Variants in ERC2 observed in about 807,000 individuals in gnomAD.
ERC2 encodes the protein ERC protein 2.
Under a neutral mutation model 114.8 loss-of-function variants are expected in ERC2, and 42 were observed. The ratio of observed to expected loss-of-function variants is 0.37; its 90% confidence interval spans 0.29 to 0.47. ERC2 has a LOEUF of 0.47. ERC2 is among the 20% of genes least tolerant of loss of function. The pLI is 0.99. For missense variants in ERC2, 939 were observed against 1,150.7 expected (o/e 0.82, Z 2.66); for synonymous variants, 454 against 425.5 (o/e 1.07, Z -0.82).
At chr3:56,343,167 T>TTCTCTC (rs1160068173) in intron 2 of ERC2, among the ~76,000 whole-genome samples, 1 of 135,260 alleles carries the variant, frequency 7.4e-6, no homozygotes, top group African/African-American at 2.8e-5. Flanking sequence ...CTCTCTCTCT[T>TTCTCTC]TCTCTCTCTC....
chr3:55,540,030 T>C (rs377568035), intron 17 of ERC2, among the ~76,000 whole-genome samples: 26 of 151,378 alleles, frequency 1.7e-4, no homozygotes, highest in African/African-American at 6.3e-4. Context: ...TAAACAAAGA[T>C]ACTGAGGCCT....
chr3:56,239,430 C>T (rs1171380506), intron 3 of ERC2, among the ~76,000 whole-genome samples: 2 of 152,012 alleles, frequency 1.3e-5, no homozygotes, highest in Non-Finnish European at 2.9e-5. Flanking sequence ...TGCTTGAACC[C>T]AGGTGGCAGA....
chr3:56,142,857 A>C (rs1477008987), intron 5 of ERC2, among the ~76,000 whole-genome samples: 1 of 139,734 alleles, frequency 7.2e-6, no homozygotes, highest in African/African-American at 2.7e-5. Flanking sequence ...TTGGAACTTT[A>C]TCTGAAAAAA....
intron 2 of ERC2, among the ~76,000 whole-genome samples, chr3:56,348,890 A>T (rs1560642075): frequency 1.9e-5 from 1 of 53,226 alleles, no homozygotes; most frequent in African/African-American, 6.4e-5. Context: ...GAAGGAAGGA[A>T]GGAAGGAAGG....
intron 14 of ERC2, among the ~76,000 whole-genome samples, chr3:55,842,853 G>T (rs1038332650): frequency 6.6e-6 from 1 of 152,096 alleles, no homozygotes; most frequent in Non-Finnish European, 1.5e-5. Context: ...GATCAAAAGT[G>T]AGTTGAGGAG....
intron 3 of ERC2, among the ~76,000 whole-genome samples, chr3:56,294,317 G>A (rs190542316): frequency 1.3e-5 from 2 of 152,324 alleles, no homozygotes; most frequent in African/African-American, 4.8e-5. Context: ...AGGAATCAAG[G>A]CACAACTTAA....
chr3:56,234,344 A>ACATTTTACTGTAG (rs1243926957), intron 3 of ERC2, among the ~76,000 whole-genome samples: 1 of 152,240 alleles, frequency 6.6e-6, no homozygotes, highest in African/African-American at 2.4e-5. Flanking sequence ...ACATACAACT[A>ACATTTTACTGTAG]AAGAGGATGG....
At chr3:55,959,420 T>C (rs746898935) in intron 12 of ERC2, among the ~76,000 whole-genome samples, 3 of 152,118 alleles carry the variant, frequency 2.0e-5, no homozygotes, top group Non-Finnish European at 2.9e-5. Flanking sequence ...ACCCCAAGGA[T>C]GGAGAGCAGA....
chr3:55,828,224 G>A (rs1446786776), intron 14 of ERC2, among the ~76,000 whole-genome samples: 2 of 152,218 alleles, frequency 1.3e-5, no homozygotes, highest in Non-Finnish European at 2.9e-5. Flanking sequence ...CCACAGACCA[G>A]CTCTCTTACT....
At chr3:56,031,866 T>G (rs1448369470) in intron 7 of ERC2, among the ~76,000 whole-genome samples, 1 of 152,224 alleles carries the variant, frequency 6.6e-6, no homozygotes. Flanking sequence ...ATTTTTGGTA[T>G]AGTCTGATTT....
chr3:55,915,495 G>C (rs965813810), intron 13 of ERC2, among the ~76,000 whole-genome samples: 1 of 151,984 alleles, frequency 6.6e-6, no homozygotes. Flanking sequence ...AATATTTTAG[G>C]CCTCTTGATA....
At chr3:55,615,593 A>G (rs2059090158) in intron 17 of ERC2, among the ~76,000 whole-genome samples, 1 of 152,204 alleles carries the variant, frequency 6.6e-6, no homozygotes, top group African/African-American at 2.4e-5. Context: ...GCATCCGCGA[A>G]ATAAAGTAAG....
chr3:56,334,379 A>G (rs2057761761), intron 2 of ERC2, among the ~76,000 whole-genome samples: 1 of 152,212 alleles, frequency 6.6e-6, no homozygotes, highest in Admixed American at 6.5e-5. Flanking sequence ...TGAACCCTTG[A>G]GCCCTCAGTT....
At chr3:56,107,069 A>G (rs1381416445) in intron 6 of ERC2, among the ~76,000 whole-genome samples, 1 of 152,092 alleles carries the variant, frequency 6.6e-6, no homozygotes, top group Non-Finnish European at 1.5e-5. Flanking sequence ...GATATGAACG[A>G]GGATATGATA....
At chr3:55,620,378 C>T (rs2059276907) in intron 17 of ERC2, among the ~76,000 whole-genome samples, 1 of 152,148 alleles carries the variant, frequency 6.6e-6, no homozygotes, top group Non-Finnish European at 1.5e-5. Context: ...TGTATAAACT[C>T]AACTTTTAAA....
chr3:56,467,058 T>C (rs1340031991), intron 1 of ERC2: 8 of 152,100 alleles, frequency 5.3e-5, no homozygotes, highest in African/African-American at 1.2e-4. Flanking sequence ...GAAACACAGG[T>C]CAAATATACT....
intron 14 of ERC2, among the ~76,000 whole-genome samples, chr3:55,783,698 T>A (rs919982909): frequency 6.6e-6 from 1 of 150,982 alleles, no homozygotes; most frequent in Non-Finnish European, 1.5e-5. Context: ...TGCCCATCCT[T>A]GAGAATATAG....
intron 3 of ERC2, among the ~76,000 whole-genome samples, chr3:56,281,620 TAGATATAGATAC>T (rs2054354770): frequency 6.6e-6 from 1 of 152,022 alleles, no homozygotes; most frequent in African/African-American, 2.4e-5. Context: ...GAAGACAGAT[TAGATATAGATAC>T]AGATATAGAT....
Position 55,683,842 on chromosome 3 carries a change from T to G in ERC2, c.2865A>C (p.Ile955=), listed in dbSNP as rs1201646066. 6.2e-7 allele frequency: 1 copy of G among 1,612,796 alleles called. No individual in the cohort carries two copies. Among genetic ancestry groups the G allele is most frequent in the Non-Finnish European group, 8.5e-7 (1 of 1,179,478 alleles). ...PSPDQDDEEG[I]WA ...TGGTTTACAGGCCCGGCTATGCCCA[T>G]ATGCCCTCCTCGTCATCCTGCGGCC... The change falls in exon 17 of 18, where the codon ATA becomes ATC. Residue 955 remains isoleucine, a synonymous_variant. Transcript: ENST00000288221.
Sources: allele counts gnomAD v4.1 joint callset (sites outside exome capture counted in the v4.1 genomes callset), GRCh38; gene constraint gnomAD v4.1.1; transcripts MANE v1.5; gene names NCBI Gene and HGNC (gene_info 2026-07-23, HGNC 2026-07-21).